SHROOM3: variants seen among roughly 807,000 people sequenced by gnomAD.
SHROOM3 encodes protein Shroom3.
A neutral mutation model predicts 138.6 loss-of-function variants in SHROOM3; 47 were observed. That is an observed-to-expected ratio of 0.34 (90% CI 0.27 to 0.43). SHROOM3 has a LOEUF of 0.43. Among genes scored for constraint, SHROOM3 ranks in the 20% least tolerant of loss-of-function variants. The pLI is 1.00. For missense variants in SHROOM3, 2,491 were observed against 2,596.5 expected (o/e 0.96, Z 0.88); for synonymous variants, 1,062 against 1,063.3 (o/e 1.00, Z 0.02).
intron 2 of SHROOM3, among the ~76,000 whole-genome samples, chr4:76,571,371 G>A (rs991713869): frequency 6.6e-6 from 1 of 152,228 alleles, no homozygotes; most frequent in Non-Finnish European, 1.5e-5. Flanking sequence ...CAGCCTCTGG[G>A]AGAAGAGGAG....
chr4:76,741,895 G>A lies in SHROOM3; in HGVS notation c.3722G>A (p.Arg1241Lys), dbSNP rs757101532. The A allele has an allele frequency of 1.2e-6, 2 of 1,612,372 alleles. No homozygotes were observed. Among genetic ancestry groups the A allele is most frequent in the Non-Finnish European group, 1.7e-6 (2 of 1,179,966 alleles). The change falls in exon 5 of 11, where the codon AGG becomes AAG. Residue 1241 changes from arginine (R) to lysine (K), a missense_variant. Arg to Lys is a conservative substitution (Grantham distance 26). Transcript: ENST00000296043. This position sits in a 1 kb window ranked among gnomAD's most constrained non-coding sequence, Gnocchi z 6.2. ...GCGGGCCCTGTCCATGTGAGGTCCAGGTCATCTCCCGCCACCGCAGACAAG... is the reference window on the plus strand; with the variant it reads ...GCGGGCCCTGTCCATGTGAGGTCCAAGTCATCTCCCGCCACCGCAGACAAG... ...VLAGPVHVRSRSSPATADKRQ... is the reference protein window; with the variant it reads ...VLAGPVHVRSKSSPATADKRQ...
intron 2 of SHROOM3, among the ~76,000 whole-genome samples, chr4:76,565,160 C>CAAAAAAAAAA (rs1166896258): frequency 7.4e-6 from 1 of 135,936 alleles, no homozygotes; most frequent in African/African-American, 2.8e-5. Context: ...GACTCCATTT[C>CAAAAAAAAAA]AAAAAAAAAA....
intron 2 of SHROOM3, among the ~76,000 whole-genome samples, chr4:76,582,391 G>C (rs1734069736): frequency 6.6e-6 from 1 of 151,822 alleles, no homozygotes; most frequent in Non-Finnish European, 1.5e-5. Context: ...AAAAAAATGA[G>C]CAAAGAAACC....
intron 2 of SHROOM3, among the ~76,000 whole-genome samples, chr4:76,615,372 A>G (rs1385001886): frequency 6.6e-6 from 1 of 152,210 alleles, no homozygotes. Context: ...TGACAGGAAC[A>G]CTGGAGAATT....
At chr4:76,585,377 CTT>C (rs1383761621) in intron 2 of SHROOM3, among the ~76,000 whole-genome samples, 1 of 152,238 alleles carries the variant, frequency 6.6e-6, no homozygotes, top group Non-Finnish European at 1.5e-5. Flanking sequence ...CTCAGACACT[CTT>C]GGAGTCCCAT....
chr4:76,722,810 T>C (rs535765514), intron 3 of SHROOM3, among the ~76,000 whole-genome samples: 2 of 152,092 alleles, frequency 1.3e-5, no homozygotes, highest in South Asian at 4.2e-4. Context: ...TTGGGGGATA[T>C]GGGGGTGTTT....
chr4:76,754,694 A>C lies in SHROOM3; in HGVS notation c.4211A>C (p.Glu1404Ala), dbSNP rs780207135. Residue 1404 changes from glutamate to alanine, a missense_variant, in exon 7 of 11, where the codon GAG becomes GCG. Glu to Ala is a moderately radical substitution (Grantham distance 107, BLOSUM62 -1). Coordinates refer to ENST00000296043, the MANE Select transcript of SHROOM3 (RefSeq NM_020859.4). The part of the protein sequence containing the change: ...LTQPPGPRGC[E>A]GDGPEHGVEE... Reference sequence around the variant, plus strand: ...CAGCCTCCCGGTCCAAGAGGCTGTGAGGGCGATGGCCCAGAGCATGGGGTA... The same window carrying C: ...CAGCCTCCCGGTCCAAGAGGCTGTGCGGGCGATGGCCCAGAGCATGGGGTA... 1 of 1,614,186 alleles carries C rather than the reference A, an allele frequency of 6.2e-7. No individual in the cohort carries two copies. The highest frequency in any genetic ancestry group is 1.7e-5 in the Admixed American group (1 of 60,030).
chr4:76,645,404 C>T (rs1165596926), intron 2 of SHROOM3: 3 of 152,196 alleles, frequency 2.0e-5, no homozygotes, highest in Admixed American at 6.5e-5. Context: ...CTGATGGACG[C>T]CATGAGTGGA....
intron 3 of SHROOM3, among the ~76,000 whole-genome samples, chr4:76,723,651 T>C (rs1052986859): frequency 1.3e-5 from 2 of 152,228 alleles, no homozygotes; most frequent in Admixed American, 1.3e-4. Context: ...ACTTGCAAAT[T>C]AAAAGCACAG....
Position 76,782,291 on chromosome 4 carries a change from T to C in SHROOM3, c.*3114T>C, listed in dbSNP as rs560516300. The C allele has an allele frequency of 2.6e-5, 4 of 152,310 alleles. No homozygotes were observed. Among genetic ancestry groups the C allele is most frequent in the Middle Eastern group, 6.8e-3 (2 of 294 alleles). 9.4% of individuals were successfully genotyped at this position (152,310 alleles called of 1,614,324 possible). ...TTTAGGGTTTGTTTTGCACAGCTGG[T>C]TTCCAGACTAGAAGATTAACAAGTT... On this transcript the variant is annotated 3_prime_UTR_variant, in exon 11 of 11. Transcript: ENST00000296043.
At chr4:76,667,764 C>G (rs955791391) in intron 2 of SHROOM3, among the ~76,000 whole-genome samples, 1 of 150,950 alleles carries the variant, frequency 6.6e-6, no homozygotes, top group African/African-American at 2.4e-5. Context: ...GTCAGGAGAT[C>G]GAGACCTTCC....
At chr4:76,749,911 A>G (rs1291535331) in intron 6 of SHROOM3, among the ~76,000 whole-genome samples, 1 of 152,196 alleles carries the variant, frequency 6.6e-6, no homozygotes, top group Non-Finnish European at 1.5e-5. Context: ...ATAATCTATT[A>G]TTACTAATGA....
At chr4:76,466,801 CAT>C (rs1043087950) in intron 1 of SHROOM3, among the ~76,000 whole-genome samples, 12 of 151,840 alleles carry the variant, frequency 7.9e-5, no homozygotes, top group Non-Finnish European at 2.9e-5. Context: ...CTTTTTTGTA[CAT>C]GTTTAATTTT....
At chr4:76,498,392 A>C (rs1415443140) in intron 1 of SHROOM3, among the ~76,000 whole-genome samples, 5 of 152,034 alleles carry the variant, frequency 3.3e-5, no homozygotes, top group Admixed American at 3.3e-4. Context: ...GAATAGATTA[A>C]ATGGATGGAT....
chr4:76,454,393 T>G (rs1038572774), intron 1 of SHROOM3, among the ~76,000 whole-genome samples: 2 of 152,204 alleles, frequency 1.3e-5, no homozygotes, highest in East Asian at 3.9e-4. Context: ...TTATTTGGTA[T>G]GTGGATATCC....
At chr4:76,676,909 C>G (rs1424334412) in intron 2 of SHROOM3, among the ~76,000 whole-genome samples, 1 of 142,346 alleles carries the variant, frequency 7.0e-6, no homozygotes, top group East Asian at 2.0e-4. Flanking sequence ...CGCCACTGCA[C>G]TCCAGCCTGG....
At chr4:76,472,272 A>C (rs1311385383) in intron 1 of SHROOM3, among the ~76,000 whole-genome samples, 2 of 152,242 alleles carry the variant, frequency 1.3e-5, no homozygotes, top group Non-Finnish European at 2.9e-5. Flanking sequence ...AAATCTCTTA[A>C]ATAAAAAATG....
chr4:76,506,441 A>G (rs1012210023), intron 1 of SHROOM3, among the ~76,000 whole-genome samples: 1 of 152,178 alleles, frequency 6.6e-6, no homozygotes, highest in African/African-American at 2.4e-5. Context: ...TGCAAATACT[A>G]TACCATTTTA....
chr4:76,741,959 T>A lies in SHROOM3; in HGVS notation c.3753+33T>A, dbSNP rs767400541. 23 of 1,604,950 alleles carry A rather than the reference T, an allele frequency of 1.4e-5. No individual in the cohort carries two copies. The South Asian group carries it at 1.6e-4, about 11-fold the overall frequency. Reference sequence around the variant, plus strand: ...CAACCAGCAAGTCCTGGCCTCGAACTGTCCCTTCCTCCCTAGAAGCTTTAG... The same window carrying A: ...CAACCAGCAAGTCCTGGCCTCGAACAGTCCCTTCCTCCCTAGAAGCTTTAG... On this transcript the variant is annotated intron_variant, in intron 5 of 10. Coordinates refer to ENST00000296043, the MANE Select transcript of SHROOM3 (RefSeq NM_020859.4). This position sits in a 1 kb window ranked among gnomAD's most constrained non-coding sequence, Gnocchi z 6.2.
Sources: gnomAD v4.1 joint callset for allele counts (sites outside exome capture counted in the v4.1 genomes callset) on GRCh38, gnomAD v4.1.1 for gene constraint, Gnocchi (gnomAD v3.1) non-coding constraint, MANE v1.5 for transcripts, NCBI Gene and HGNC (gene_info 2026-07-23, HGNC 2026-07-21) for gene names.